The following HIP1 variants were observed in gnomAD, a reference collection of about 807,000 sequenced individuals.
HIP1 encodes huntingtin-interacting protein 1.
HIP1 carries 65 observed loss-of-function variants against 147.6 expected under a neutral mutation model. That is an observed-to-expected ratio of 0.44 (90% CI 0.36 to 0.54). The LOEUF (loss-of-function observed/expected upper bound fraction) is 0.54, where lower values mean the gene tolerates loss of function less well. HIP1 is among the 20% of genes least tolerant of loss of function. The probability of loss-of-function intolerance (pLI) is 0.00; values close to 1 mark genes in which losing one functional copy is unlikely to be tolerated. For synonymous variants in HIP1, 479 were observed against 504.0 expected (o/e 0.95, Z 0.67); for missense variants, 1,061 against 1,299.6 (o/e 0.82, Z 2.82).
At chr7:75,553,284 G>A (rs587649612) in intron 22 of HIP1, among the ~76,000 whole-genome samples, 169 bp downstream of exon 22, 17 of 152,112 alleles carry the variant, frequency 1.1e-4, no homozygotes, top group East Asian at 5.8e-4. Context: ...GGGATTACAC[G>A]CATAAATCAC....
chr7:75,583,409 G>A (rs1489221394), intron 5 of HIP1, among the ~76,000 whole-genome samples: 3 of 152,062 alleles, frequency 2.0e-5, no homozygotes, highest in Non-Finnish European at 2.9e-5. Flanking sequence ...CAGTCAGCTC[G>A]GGCAGTTATA....
At chr7:75,552,864 ATT>A (rs145931380) in intron 22 of HIP1, among the ~76,000 whole-genome samples, 1 of 144,816 alleles carries the variant, frequency 6.9e-6, no homozygotes. Flanking sequence ...TCCTTTTTAA[ATT>A]TTTTTTTTTT....
intron 1 of HIP1, among the ~76,000 whole-genome samples, chr7:75,607,225 TTTGTTTTG>T (rs1584872100): frequency 6.8e-6 from 1 of 146,074 alleles, no homozygotes; most frequent in African/African-American, 2.7e-5. Flanking sequence ...AGAGTTGTTT[TTTGTTTTG>T]TTTTTTTTTT....
At chr7:75,618,672 C>G (rs1797746327) in intron 1 of HIP1, among the ~76,000 whole-genome samples, 1 of 152,170 alleles carries the variant, frequency 6.6e-6, no homozygotes, top group African/African-American at 2.4e-5. Flanking sequence ...GATCTGAAGA[C>G]TCAAGGTGGG....
chr7:75,680,477 G>A (rs142375317), intron 1 of HIP1, among the ~76,000 whole-genome samples: 6 of 151,918 alleles, frequency 3.9e-5, no homozygotes, highest in East Asian at 1.9e-4. Flanking sequence ...CCATCCTCTC[G>A]CCTCATTCAA....
intron 1 of HIP1, among the ~76,000 whole-genome samples, chr7:75,677,576 G>C (rs1554516240): frequency 7.5e-6 from 1 of 133,480 alleles, no homozygotes; most frequent in Admixed American, 8.5e-5. Context: ...CTGTGTTCCA[G>C]CCTGGGCAAC....
chr7:75,623,310 T>C (rs1397230401), intron 1 of HIP1, among the ~76,000 whole-genome samples: 1 of 151,680 alleles, frequency 6.6e-6, no homozygotes, highest in Non-Finnish European at 1.5e-5. Flanking sequence ...ACAGGGTTTC[T>C]GCTGTGAAGA....
chr7:75,567,964 G>C (rs587664761), intron 9 of HIP1, among the ~76,000 whole-genome samples: 1 of 152,134 alleles, frequency 6.6e-6, no homozygotes, highest in South Asian at 2.1e-4. Flanking sequence ...GCATACCACC[G>C]TGCCCAGCTA....
At chr7:75,680,322 C>T (rs1284019859) in intron 1 of HIP1, among the ~76,000 whole-genome samples, 3 of 152,108 alleles carry the variant, frequency 2.0e-5, no homozygotes, top group Admixed American at 6.6e-5. Flanking sequence ...GGATTACAGG[C>T]GTGAGTTACA....
intron 1 of HIP1, among the ~76,000 whole-genome samples, chr7:75,638,248 G>A (rs539550248): frequency 6.6e-6 from 1 of 152,016 alleles, no homozygotes; most frequent in East Asian, 1.9e-4. Context: ...TGCAGTTTCC[G>A]GGCCTCCAGG....
intron 1 of HIP1, among the ~76,000 whole-genome samples, chr7:75,715,494 A>G (rs1801289625): frequency 7.1e-6 from 1 of 140,072 alleles, no homozygotes; most frequent in African/African-American, 2.7e-5. Context: ...GAGAAAGGCC[A>G]GGTGTGATGG....
intron 1 of HIP1, among the ~76,000 whole-genome samples, chr7:75,675,716 C>A (rs2525471): frequency 6.6e-6 from 1 of 151,746 alleles, no homozygotes; most frequent in Non-Finnish European, 1.5e-5. Flanking sequence ...GCTAGACTCA[C>A]ACCTGTAATC....
In HIP1 at chr7:75,727,703, G is replaced by A. The variant is rs28760301; in HGVS notation, c.120+11098C>T. ...TCTACTAAAAATAGAAAAATTATCCGGGCATGGTGGCATGTGCCTGTAGTC... is the reference window on the plus strand; with the variant it reads ...TCTACTAAAAATAGAAAAATTATCCAGGCATGGTGGCATGTGCCTGTAGTC... On this transcript the variant is annotated intron_variant, in intron 1 of 30. Coordinates refer to ENST00000336926, the MANE Select transcript of HIP1 (RefSeq NM_005338.7). 4.1e-3 allele frequency among the ~76,000 whole-genome samples: 618 copies of A among 151,988 alleles called. 6 individuals are homozygous for A. The highest frequency in any genetic ancestry group is 0.014 in the African/African-American group (597 of 41,486).
chr7:75,673,834 A>AAAAAAAAG (rs1799802497), intron 1 of HIP1, among the ~76,000 whole-genome samples: 1 of 150,538 alleles, frequency 6.6e-6, no homozygotes, highest in Non-Finnish European at 1.5e-5. Context: ...AAAAAAAAAA[A>AAAAAAAAG]AATTAGCTGG....
chr7:75,662,997 C>T (rs1799364526), intron 1 of HIP1, among the ~76,000 whole-genome samples: 1 of 152,174 alleles, frequency 6.6e-6, no homozygotes, highest in Non-Finnish European at 1.5e-5. Flanking sequence ...AAAATCCCCA[C>T]CTTTTTTCTA....
At chr7:75,597,563 A>G (rs1796792454) in intron 2 of HIP1, among the ~76,000 whole-genome samples, 1 of 152,030 alleles carries the variant, frequency 6.6e-6, no homozygotes, top group Admixed American at 6.6e-5. Flanking sequence ...AACATGGCAA[A>G]ACCCCGTCTC....
intron 1 of HIP1, among the ~76,000 whole-genome samples, chr7:75,608,621 G>C (rs1328527391): frequency 2.0e-5 from 3 of 152,204 alleles, no homozygotes; most frequent in African/African-American, 7.2e-5. Flanking sequence ...TCTGGAAGCA[G>C]GAAAAACTCC....
At chr7:75,646,362 C>T (rs1484437461) in intron 1 of HIP1, among the ~76,000 whole-genome samples, 1 of 152,262 alleles carries the variant, frequency 6.6e-6, no homozygotes, top group Non-Finnish European at 1.5e-5. Context: ...GCTGGGATTA[C>T]GAGCGTGAGC....
chr7:75,672,975 T>G (rs1211827689), intron 1 of HIP1, among the ~76,000 whole-genome samples: 1 of 152,096 alleles, frequency 6.6e-6, no homozygotes, highest in Non-Finnish European at 1.5e-5. Flanking sequence ...AACACCACTT[T>G]GACTACTGCA....
Sources: gnomAD v4.1 joint callset for allele counts (sites outside exome capture counted in the v4.1 genomes callset) on GRCh38, gnomAD v4.1.1 for gene constraint, MANE v1.5 for transcripts, NCBI Gene and HGNC (gene_info 2026-07-23, HGNC 2026-07-21) for gene names.